DOCK3: variants seen among roughly 807,000 people sequenced by gnomAD.
DOCK3 encodes the protein dedicator of cytokinesis protein 3.
Under a neutral mutation model 265.6 loss-of-function variants are expected in DOCK3, and 60 were observed. The observed-to-expected ratio is 0.23, with a 90% CI of 0.18 to 0.28. The LOEUF (loss-of-function observed/expected upper bound fraction) is 0.28, where lower values mean the gene tolerates loss of function less well. DOCK3 is among the 10% of genes least tolerant of loss of function. The probability of loss-of-function intolerance (pLI) is 1.00; values close to 1 mark genes in which losing one functional copy is unlikely to be tolerated. For missense variants in DOCK3, 1,981 were observed against 2,594.3 expected, an observed-to-expected ratio of 0.76 and a Z score of 5.14; for synonymous variants, 881 against 938.0, an observed-to-expected ratio of 0.94 and a Z score of 1.11.
chr3:50,738,352 G>T (rs2038780932), intron 1 of DOCK3, among the ~76,000 whole-genome samples: 1 of 152,172 alleles, frequency 6.6e-6, no homozygotes, highest in Non-Finnish European at 1.5e-5. Context: ...CAGGCCCACA[G>T]TTTCATGGGG....
chr3:51,338,870 G>C (rs2085049527), intron 36 of DOCK3, 65 bp from the exon 37 acceptor site: 1 of 1,403,816 alleles, frequency 7.1e-7, no homozygotes, highest in South Asian at 1.2e-5. Context: ...GCTATGGCCA[G>C]CTGCCCAGAG....
Position 50,845,873 on chromosome 3 carries a change from G to A in DOCK3, c.162+4158G>A, listed in dbSNP as rs184611863. Among the ~76,000 whole-genome samples, 230 of 152,244 alleles carry A rather than the reference G, an allele frequency of 1.5e-3. 1 individual carries two copies. Among genetic ancestry groups the A allele is most frequent in the Non-Finnish European group, 2.8e-4 (19 of 68,020 alleles). ...CTAAAAATACTATAATGGGTAAAAT[G>A]TATGTAGATTGATGAGTCAAGATTG... On this transcript the variant is annotated intron_variant, in intron 3 of 52. Coordinates refer to ENST00000266037, the MANE Select transcript of DOCK3 (RefSeq NM_004947.5).
intron 4 of DOCK3, among the ~76,000 whole-genome samples, chr3:50,907,363 C>G (rs1348343498): frequency 1.3e-5 from 2 of 151,966 alleles, no homozygotes; most frequent in Non-Finnish European, 2.9e-5. Flanking sequence ...TGTTAAAAGT[C>G]TCCCATTATT....
intron 4 of DOCK3, among the ~76,000 whole-genome samples, chr3:50,912,115 CAG>C (rs1247777571): frequency 2.0e-5 from 3 of 152,048 alleles, no homozygotes; most frequent in Non-Finnish European, 4.4e-5. Context: ...TGTTTTCAAA[CAG>C]AAACAGTTTT....
At chr3:50,820,977 G>A (rs1035239783) in intron 2 of DOCK3, among the ~76,000 whole-genome samples, 1 of 151,410 alleles carries the variant, frequency 6.6e-6, no homozygotes, top group African/African-American at 2.4e-5. Context: ...ATGTCCTTTG[G>A]CCATTTTTTA....
chr3:50,788,870 C>A (rs1441412573), intron 2 of DOCK3, among the ~76,000 whole-genome samples: 1 of 152,246 alleles, frequency 6.6e-6, no homozygotes, highest in African/African-American at 2.4e-5. Flanking sequence ...GCGTGCCCGC[C>A]CCGTCCCCTT....
At chr3:51,157,700 C>G (rs541210076) in intron 10 of DOCK3, among the ~76,000 whole-genome samples, 2 of 152,014 alleles carry the variant, frequency 1.3e-5, no homozygotes, top group South Asian at 2.1e-4. Flanking sequence ...TTGCCTCACA[C>G]TAGTGCTAAC....
chr3:51,141,841 T>A (rs943221813), intron 9 of DOCK3, among the ~76,000 whole-genome samples: 18 of 152,210 alleles, frequency 1.2e-4, no homozygotes. Context: ...GGAAGACAAT[T>A]GTCTTGACTC....
chr3:50,895,654 A>C (rs911031957), intron 4 of DOCK3, among the ~76,000 whole-genome samples: 1 of 151,990 alleles, frequency 6.6e-6, no homozygotes, highest in Non-Finnish European at 1.5e-5. Flanking sequence ...TCCTAATGCT[A>C]TCCCTCCCCT....
chr3:51,035,001 T>A (rs1421054699), intron 5 of DOCK3, among the ~76,000 whole-genome samples: 1 of 152,066 alleles, frequency 6.6e-6, no homozygotes, highest in African/African-American at 2.4e-5. Flanking sequence ...TTAAGATCTT[T>A]ATTTTTTTAT....
intron 5 of DOCK3, among the ~76,000 whole-genome samples, chr3:51,058,865 T>C (rs2081295684): frequency 6.6e-6 from 1 of 152,106 alleles, no homozygotes; most frequent in East Asian, 1.9e-4. Flanking sequence ...ATAGGAAATT[T>C]GGCTGTGGGT....
At chr3:51,329,005 T>C (rs2084338816) in intron 32 of DOCK3, among the ~76,000 whole-genome samples, 1 of 151,858 alleles carries the variant, frequency 6.6e-6, no homozygotes, top group African/African-American at 2.4e-5. Flanking sequence ...ATACAAAAAT[T>C]AGCTGGGTGT....
At chr3:51,198,832 C>G (rs2088494976) in intron 12 of DOCK3, among the ~76,000 whole-genome samples, 1 of 152,096 alleles carries the variant, frequency 6.6e-6, no homozygotes, top group Non-Finnish European at 1.5e-5. Context: ...GGTTCAAGAC[C>G]AGCCTGGACA....
At chr3:51,161,574 G>A (rs1047151825) in intron 12 of DOCK3, among the ~76,000 whole-genome samples, 2 of 152,160 alleles carry the variant, frequency 1.3e-5, no homozygotes, top group African/African-American at 4.8e-5. Flanking sequence ...CTTCATTTGG[G>A]ACCTTCTATC....
chr3:51,310,439 G>C, intron 28 of DOCK3, 113 bp downstream of exon 28: 1 of 975,978 alleles, frequency 1.0e-6, no homozygotes. Flanking sequence ...CCAGGGCCAT[G>C]GGAACAGAGA....
At chr3:50,816,668 G>C (rs2044097652) in intron 2 of DOCK3, among the ~76,000 whole-genome samples, 1 of 151,992 alleles carries the variant, frequency 6.6e-6, no homozygotes, top group South Asian at 2.1e-4. Flanking sequence ...TCTAGGCTGA[G>C]TCTGTAATTG....
At chr3:51,104,929 G>A (rs1022712782) in intron 9 of DOCK3, among the ~76,000 whole-genome samples, 4 of 152,064 alleles carry the variant, frequency 2.6e-5, no homozygotes, top group Non-Finnish European at 4.4e-5. Context: ...GCGGGACTAC[G>A]GGTGTACACC....
intron 9 of DOCK3, among the ~76,000 whole-genome samples, chr3:51,092,810 CGAAA>C (rs1240703338): frequency 6.6e-6 from 1 of 152,016 alleles, no homozygotes; most frequent in Non-Finnish European, 1.5e-5. Flanking sequence ...AGCTTCCAGA[CGAAA>C]GAACAGGCAG....
intron 5 of DOCK3, among the ~76,000 whole-genome samples, chr3:50,978,414 CAG>C (rs142946961): frequency 0.74 from 112,803 of 151,556 alleles, 43,325 homozygotes; most frequent in Middle Eastern, 0.88. Context: ...TGTGAGGTGT[CAG>C]TGTGCCCCTG....
Sources: allele counts gnomAD v4.1 joint callset (sites outside exome capture counted in the v4.1 genomes callset), GRCh38; gene constraint gnomAD v4.1.1; transcripts MANE v1.5; gene names NCBI Gene and HGNC (gene_info 2026-07-23, HGNC 2026-07-21).